HNRNPU: variants seen among roughly 807,000 people sequenced by gnomAD.
HNRNPU encodes heterogeneous nuclear ribonucleoprotein U.
In HNRNPU, 5 loss-of-function variants were observed where a neutral mutation model predicts 94.7. That is an observed-to-expected ratio of 0.05 (90% CI 0.03 to 0.11). The LOEUF (loss-of-function observed/expected upper bound fraction) is 0.11, where lower values mean the gene tolerates loss of function less well. HNRNPU is among the 10% of genes least tolerant of loss of function. HNRNPU has a pLI of 1.00. For missense variants in HNRNPU, 710 were observed against 1,049.2 expected, an observed-to-expected ratio of 0.68 and a Z score of 4.47; for synonymous variants, 434 against 381.6, an observed-to-expected ratio of 1.14 and a Z score of -1.60.
intron 11 of HNRNPU, 85 bp from the exon 12 acceptor site, chr1:244,855,693 T>TA: frequency 7.0e-7 from 1 of 1,437,388 alleles, no homozygotes; most frequent in Non-Finnish European, 9.5e-7. Flanking sequence ...ATTGTTCCTT[T>TA]TTCTCCAAAA....
At position 244,854,218 on chromosome 1, in the gene HNRNPU, C is replaced by G. The variant is rs934121570; in HGVS notation, c.*232G>C. On this transcript the variant is annotated 3_prime_UTR_variant, in exon 14 of 14. Coordinates refer to ENST00000640218, the MANE Select transcript of HNRNPU (RefSeq NM_031844.3). ...AAAATGTAGAACCCTGAAATACTGA[C>G]ACATTCTCTTATCGTGCACAATGCT... 3 of 422,608 alleles carry G rather than the reference C, an allele frequency of 7.1e-6. No individual in the cohort carries two copies. The highest frequency in any genetic ancestry group is 6.4e-5 in the African/African-American group (3 of 46,960). 26.2% of individuals were successfully genotyped at this position (422,608 alleles called of 1,614,324 possible).
intron 4 of HNRNPU, 60 bp downstream of exon 4, chr1:244,860,275 T>C: frequency 6.7e-7 from 1 of 1,491,940 alleles, no homozygotes; most frequent in East Asian, 2.3e-5. Flanking sequence ...CAATCCAGCC[T>C]AGGGAACAGA....
rs766736866 is a variant in HNRNPU at position 244,858,003 on chromosome 1, T to C, written c.1494+8A>G. The C allele has an allele frequency of 4.5e-6, 7 of 1,565,916 alleles. No homozygotes were observed. The highest frequency in any genetic ancestry group is 2.1e-5 in the Admixed American group (1 of 47,852). On this transcript the variant is annotated splice_region_variant and intron_variant, in intron 7 of 13. Coordinates refer to ENST00000640218, the MANE Select transcript of HNRNPU (RefSeq NM_031844.3). ...AATGCCACAGTTAAAAAAAAAAAAA[T>C]CCCTTACTTCACAATCTTTCTTCTC...
At chr1:244,863,379 A>ACC (rs1680900200) in intron 1 of HNRNPU, among the ~76,000 whole-genome samples, 1 of 146,850 alleles carries the variant, frequency 6.8e-6, no homozygotes, top group Non-Finnish European at 1.5e-5. Context: ...CACATAATGG[A>ACC]GGCGCTGCCA....
At position 244,852,689 on chromosome 1, in the gene HNRNPU, T is replaced by G. The variant is rs1680579883; in HGVS notation, c.*1761A>C. The stretch of plus-strand genomic sequence containing the variant: ...GTCTCAACTGAACCTATACATCACC[T>G]AAACTCCAGCTTATAGCAAGAAAAT... On this transcript the variant is annotated 3_prime_UTR_variant, in exon 14 of 14. Transcript: ENST00000640218. 6.6e-6 allele frequency: 1 copy of G among 152,204 alleles called. No homozygotes were observed. The highest frequency in any genetic ancestry group is 2.1e-4 in the South Asian group (1 of 4,838). 9.4% of individuals were successfully genotyped at this position (152,204 alleles called of 1,614,324 possible). A position where few individuals can be genotyped will look rare whatever the true frequency, so the allele number is the denominator to read the frequency against.
chr1:244,861,614 C>T (rs1313075536), intron 3 of HNRNPU: 1 of 152,142 alleles, frequency 6.6e-6, no homozygotes, highest in Non-Finnish European at 1.5e-5. Flanking sequence ...GCTCCAATGC[C>T]TTCCATCTAA....
chr1:244,854,553 A>G (rs759358739), intron 13 of HNRNPU, 50 bp from the exon 14 acceptor site: 10 of 1,206,356 alleles, frequency 8.3e-6, no homozygotes, highest in Non-Finnish European at 1.2e-5. Context: ...TAAGCCACTC[A>G]AACTGTTTTT....
chr1:244,854,362 T>C lies in HNRNPU; in HGVS notation c.*88A>G. ...CCCGCAGGCACTTCCTCTTGTGGAA[T>C]GTTTAAAAAGTTAGCCTACTAAAGA... On this transcript the variant is annotated 3_prime_UTR_variant, in exon 14 of 14. Transcript: ENST00000640218. 1.1e-6 allele frequency: 1 copy of C among 884,618 alleles called. No homozygotes were observed. The highest frequency in any genetic ancestry group is 2.4e-5 in the East Asian group (1 of 41,296). 54.8% of individuals were successfully genotyped at this position (884,618 alleles called of 1,614,324 possible).
Position 244,863,620 on chromosome 1 carries a change from C to T in HNRNPU, c.688G>A (p.Ala230Thr). The T allele has an allele frequency of 2.6e-6, 4 of 1,520,688 alleles. No individual in the cohort carries two copies. Among genetic ancestry groups the T allele is most frequent in the Non-Finnish European group, 3.5e-6 (4 of 1,148,868 alleles). 94.2% of individuals were successfully genotyped at this position (1,520,688 alleles called of 1,614,324 possible). The change falls in exon 1 of 14, where the codon GCG (alanine) becomes ACG (threonine). Residue 230 changes from alanine (A) to threonine (T), a missense_variant. Ala to Thr is a moderately conservative substitution (Grantham distance 58, BLOSUM62 0). This residue lies in a region of HNRNPU where 292 missense variants were observed against 293.4 expected (regional missense o/e 1.00). Coordinates refer to ENST00000640218, the MANE Select transcript of HNRNPU (RefSeq NM_031844.3). ...CAACGTACAACGCAGCACTCACCCG[C>T]CGCCGGAGCCCCGGGGCGACCGCCG... ...GGGGRPGAPA[A>T]GDGKTEQKGG...
In HNRNPU at chr1:244,863,847, T is replaced by C; in HGVS notation, c.461A>G (p.Asp154Gly). The change falls in exon 1 of 14, where the codon GAC (aspartate) becomes GGC (glycine). Residue 154 changes from aspartate (D) to glycine (G), a missense_variant. By Grantham distance (94) the Asp-to-Gly change is moderately conservative. Coordinates refer to ENST00000640218, the MANE Select transcript of HNRNPU (RefSeq NM_031844.3). ...ELGDEEEGAG[D>G]ENGHGEQQPQ... ...CTGCTGCTCCCCGTGCCCGTTCTCGTCGCCCGCGCCTTCCTCTTCGTCCCC... is the reference window on the plus strand; with the variant it reads ...CTGCTGCTCCCCGTGCCCGTTCTCGCCGCCCGCGCCTTCCTCTTCGTCCCC... 1.2e-6 allele frequency: 2 copies of C among 1,612,824 alleles called. No individual in the cohort carries two copies. Among genetic ancestry groups the C allele is most frequent in the Non-Finnish European group, 1.7e-6 (2 of 1,179,722 alleles).
At position 244,852,148 on chromosome 1, in the gene HNRNPU, ACCTAATTTTCTCCCTGTT is replaced by A. The variant is rs1220418061; in HGVS notation, c.*2284_*2301del. 1 of 152,048 alleles carries A rather than the reference ACCTAATTTTCTCCCTGTT, an allele frequency of 6.6e-6. No individual in the cohort carries two copies. The highest frequency in any genetic ancestry group is 1.5e-5 in the Non-Finnish European group (1 of 68,016). The allele number at this position is 152,048 out of a possible 1,614,324, so 9.4% of individuals were successfully genotyped here. Reference sequence around the variant, plus strand: ...GTTTCTCGTTCGTATCTTACTTCTTACCTAATTTTCTCCCTGTTGCTTATTTGGTACATTCCCTTCTCT... The same window carrying A: ...GTTTCTCGTTCGTATCTTACTTCTTAGCTTATTTGGTACATTCCCTTCTCT... On this transcript the variant is annotated 3_prime_UTR_variant, in exon 14 of 14. Transcript: ENST00000640218.
chr1:244,855,100 T>TG, intron 12 of HNRNPU, 56 bp from the exon 13 acceptor site: 1 of 1,402,272 alleles, frequency 7.1e-7, no homozygotes. Context: ...GTTAGGTTTG[T>TG]GGGGGTGAGA....
At position 244,853,980 on chromosome 1, in the gene HNRNPU, T is replaced by C; in HGVS notation, c.*470A>G. 1 of 154,972 alleles carries C rather than the reference T, an allele frequency of 6.5e-6. No homozygotes were observed. The highest frequency in any genetic ancestry group is 1.9e-4 in the East Asian group (1 of 5,252). The allele number at this position is 154,972 out of a possible 1,614,324, so 9.6% of individuals were successfully genotyped here. ...ACTACAGAGAGGATGGAGTGTAATA[T>C]GAGCAGTACAGAGTCTTAATGCAAT... On this transcript the variant is annotated 3_prime_UTR_variant, in exon 14 of 14. Transcript: ENST00000640218.
chr1:244,856,994 A>G (rs1186612502), intron 8 of HNRNPU, 138 bp from the exon 9 acceptor site: 8 of 698,766 alleles, frequency 1.1e-5, no homozygotes, highest in Non-Finnish European at 1.9e-5. Flanking sequence ...TATTGCTACA[A>G]AAACAGGGTC....
Position 244,864,475 on chromosome 1 carries a change from A to G in HNRNPU, c.-168T>C. 1 of 1,194,940 alleles carries G rather than the reference A, an allele frequency of 8.4e-7. No homozygotes were observed. The highest frequency in any genetic ancestry group is 2.8e-5 in the East Asian group (1 of 35,816). The allele number at this position is 1,194,940 out of a possible 1,614,324, so 74.0% of individuals were successfully genotyped here. A position where few individuals can be genotyped will look rare whatever the true frequency, so the allele number is the denominator to read the frequency against. On this transcript the variant is annotated 5_prime_UTR_variant, in exon 1 of 14. Coordinates refer to ENST00000640218, the MANE Select transcript of HNRNPU (RefSeq NM_031844.3). The stretch of plus-strand genomic sequence containing the variant: ...ATCCGCCTGGTGTCGAACGGCGCCA[A>G]TTCCTTTCACCGAGTTCGCGAGGGA...
chr1:244,855,831 G>A, intron 11 of HNRNPU, 73 bp downstream of exon 11: 1 of 1,539,794 alleles, frequency 6.5e-7, no homozygotes, highest in Non-Finnish European at 8.8e-7. Flanking sequence ...AGAAACTTCA[G>A]CTACATCCAA....
At chr1:244,856,393 T>C in intron 10 of HNRNPU, 64 bp downstream of exon 10, 2 of 1,492,870 alleles carry the variant, frequency 1.3e-6, no homozygotes, top group Non-Finnish European at 9.1e-7. Context: ...ACAAGCAGAA[T>C]ATGTAGGAAA....
In HNRNPU at chr1:244,851,542, T is replaced by C. The variant is rs1228762151; in HGVS notation, c.*2908A>G. ...TTATGGTTATGTTTCCTAGAATAAT[T>C]TTATAACTTTTTCAGAGAATTCCTT... On this transcript the variant is annotated 3_prime_UTR_variant, in exon 14 of 14. Coordinates refer to ENST00000640218, the MANE Select transcript of HNRNPU (RefSeq NM_031844.3). 1 of 152,224 alleles carries C rather than the reference T, an allele frequency of 6.6e-6. No homozygotes were observed. Among genetic ancestry groups the C allele is most frequent in the African/African-American group, 2.4e-5 (1 of 41,460 alleles). 9.4% of individuals were successfully genotyped at this position (152,224 alleles called of 1,614,324 possible). A position where few individuals can be genotyped will look rare whatever the true frequency, so the allele number is the denominator to read the frequency against.
intron 3 of HNRNPU, chr1:244,861,121 C>T (rs1680814798): frequency 6.6e-6 from 1 of 152,274 alleles, no homozygotes; most frequent in Non-Finnish European, 1.5e-5. Flanking sequence ...TTTAACCCAG[C>T]TACCTATGGG....
Sources: allele counts gnomAD v4.1 joint callset (sites outside exome capture counted in the v4.1 genomes callset), GRCh38; gene constraint gnomAD v4.1.1; regional missense constraint gnomAD v4.1.1; transcripts MANE v1.5; gene names NCBI Gene and HGNC (gene_info 2026-07-23, HGNC 2026-07-21).